Variants in MARCHF1 observed in about 807,000 individuals in gnomAD.
MARCHF1 encodes E3 ubiquitin-protein ligase MARCHF1.
A neutral mutation model predicts 54.2 loss-of-function variants in MARCHF1; 40 were observed. That is an observed-to-expected ratio of 0.74 (90% CI 0.57 to 0.96). The LOEUF is 0.96. Among genes scored for constraint, MARCHF1 ranks in the 40% least tolerant of loss-of-function variants. The pLI, the probability that MARCHF1 is intolerant of heterozygous loss-of-function variation, is 0.00. For missense variants in MARCHF1, 586 were observed against 656.5 expected, an observed-to-expected ratio of 0.89 and a Z score of 1.17; for synonymous variants, 236 against 236.3, an observed-to-expected ratio of 1.00 and a Z score of 0.01.
intron 5 of MARCHF1, among the ~76,000 whole-genome samples, chr4:163,660,124 T>C (rs1056603476): frequency 6.6e-6 from 1 of 152,028 alleles, no homozygotes. Flanking sequence ...TGCAACACTA[T>C]TTACAATAGT....
chr4:163,602,368 T>C (rs1427658209), intron 7 of MARCHF1, among the ~76,000 whole-genome samples: 1 of 152,122 alleles, frequency 6.6e-6, no homozygotes, highest in African/African-American at 2.4e-5. Flanking sequence ...ATGTTAGTAA[T>C]GTATTCATTT....
chr4:163,798,993 T>G (rs1024267240), intron 4 of MARCHF1, among the ~76,000 whole-genome samples: 3 of 152,104 alleles, frequency 2.0e-5, no homozygotes, highest in Non-Finnish European at 4.4e-5. Flanking sequence ...AGGTAGATAT[T>G]TTCATCTTCA....
At chr4:163,532,545 A>G (rs1219042283) in intron 9 of MARCHF1, among the ~76,000 whole-genome samples, 1 of 151,944 alleles carries the variant, frequency 6.6e-6, no homozygotes, top group Non-Finnish European at 1.5e-5. Context: ...GATCAATTGG[A>G]CTTTATTAAA....
At chr4:163,603,364 T>A (rs542187669) in intron 7 of MARCHF1, among the ~76,000 whole-genome samples, 1 of 152,252 alleles carries the variant, frequency 6.6e-6, no homozygotes, top group Non-Finnish European at 1.5e-5. Flanking sequence ...TCAGCTGCCT[T>A]GCTTGGTTGT....
intron 1 of MARCHF1, among the ~76,000 whole-genome samples, chr4:164,132,802 T>C (rs1328891897): frequency 6.6e-6 from 1 of 152,178 alleles, no homozygotes; most frequent in East Asian, 1.9e-4. Context: ...TTCATATTTG[T>C]GTATGTATAT....
intron 1 of MARCHF1, among the ~76,000 whole-genome samples, chr4:164,380,552 G>A (rs1481763698): frequency 6.6e-6 from 1 of 152,152 alleles, no homozygotes; most frequent in Non-Finnish European, 1.5e-5. Flanking sequence ...TGAATTAATA[G>A]TATCATAGGG....
chr4:163,714,873 G>T (rs900263137), intron 4 of MARCHF1, among the ~76,000 whole-genome samples: 5 of 152,020 alleles, frequency 3.3e-5, no homozygotes, highest in Admixed American at 6.6e-5. Flanking sequence ...GTGGAGGCAA[G>T]GTTTTGCTGT....
chr4:164,079,555 A>G (rs976789222), intron 2 of MARCHF1, among the ~76,000 whole-genome samples: 4 of 152,194 alleles, frequency 2.6e-5, no homozygotes. Context: ...CCTAAAAAAT[A>G]TACTAGAAAA....
intron 2 of MARCHF1, among the ~76,000 whole-genome samples, chr4:164,099,630 T>C (rs1437041900): frequency 6.6e-6 from 1 of 152,166 alleles, no homozygotes; most frequent in Non-Finnish European, 1.5e-5. Context: ...AAAGGTGAAT[T>C]CATTAATGCG....
chr4:164,271,015 T>C (rs920698247), intron 1 of MARCHF1, among the ~76,000 whole-genome samples: 46 of 152,128 alleles, frequency 3.0e-4, no homozygotes, highest in Non-Finnish European at 1.2e-4. Flanking sequence ...AGTAGAAAAA[T>C]AGACTAGTGG....
intron 4 of MARCHF1, among the ~76,000 whole-genome samples, chr4:163,828,491 T>C (rs1341547203): frequency 6.6e-6 from 1 of 152,168 alleles, no homozygotes; most frequent in Non-Finnish European, 1.5e-5. Flanking sequence ...CTAATGCTAA[T>C]ATTTTAAAGA....
At chr4:163,884,353 GT>G (rs1215282016) in intron 3 of MARCHF1, among the ~76,000 whole-genome samples, 26 of 152,042 alleles carry the variant, frequency 1.7e-4, no homozygotes. Flanking sequence ...AATATGAGCT[GT>G]TTCCTTTTTT....
intron 1 of MARCHF1, among the ~76,000 whole-genome samples, chr4:164,295,438 A>G (rs1273579015): frequency 5.5e-5 from 5 of 90,130 alleles, no homozygotes; most frequent in African/African-American, 1.8e-4. Flanking sequence ...ACACACACAC[A>G]TACACACAAA....
chr4:163,600,216 T>A (rs1300113802), intron 7 of MARCHF1, among the ~76,000 whole-genome samples: 2 of 151,906 alleles, frequency 1.3e-5, no homozygotes, highest in Non-Finnish European at 2.9e-5. Context: ...ATATTTTATA[T>A]ACACACACAC....
intron 2 of MARCHF1, among the ~76,000 whole-genome samples, chr4:164,000,080 T>G (rs924738257): frequency 5.9e-5 from 9 of 151,742 alleles, no homozygotes; most frequent in African/African-American, 2.2e-4. Context: ...AGGCAATGCA[T>G]GTGGTATTAT....
chr4:164,381,463 A>C (rs1731368625), intron 1 of MARCHF1, among the ~76,000 whole-genome samples: 1 of 152,198 alleles, frequency 6.6e-6, no homozygotes, highest in African/African-American at 2.4e-5. Context: ...ATATTTTTGA[A>C]ATAAAATTAA....
chr4:163,558,719 G>A (rs1481308751), intron 8 of MARCHF1, among the ~76,000 whole-genome samples: 1 of 152,176 alleles, frequency 6.6e-6, no homozygotes, highest in East Asian at 1.9e-4. Context: ...TAAGGAGTAA[G>A]GTAAACAGGC....
chr4:163,717,974 A>G (rs2111277039), intron 4 of MARCHF1, among the ~76,000 whole-genome samples: 1 of 152,304 alleles, frequency 6.6e-6, no homozygotes, highest in East Asian at 1.9e-4. Context: ...ATGGAACAGA[A>G]CAGAGCCCTC....
At chr4:164,019,099 G>C (rs148744635) in intron 2 of MARCHF1, among the ~76,000 whole-genome samples, 1 of 152,270 alleles carries the variant, frequency 6.6e-6, no homozygotes, top group Non-Finnish European at 1.5e-5. Flanking sequence ...TTTGGTAAAT[G>C]GGAGGCACCA....
Sources: gnomAD v4.1 joint callset for allele counts (sites outside exome capture counted in the v4.1 genomes callset) on GRCh38, gnomAD v4.1.1 for gene constraint, MANE v1.5 for transcripts, NCBI Gene and HGNC (gene_info 2026-07-23, HGNC 2026-07-21) for gene names.